NCKAP5: variants seen among roughly 807,000 people sequenced by gnomAD.
The protein encoded by NCKAP5 is NCK associated protein 5.
Under a neutral mutation model 167.0 loss-of-function variants are expected in NCKAP5, and 92 were observed. That is an observed-to-expected ratio of 0.55 (90% CI 0.47 to 0.66). The LOEUF is 0.66. Among genes scored for constraint, NCKAP5 ranks in the 30% least tolerant of loss-of-function variants. The probability of loss-of-function intolerance (pLI) is 0.00; values close to 1 mark genes in which losing one functional copy is unlikely to be tolerated. For synonymous variants in NCKAP5, 891 were observed against 877.4 expected (o/e 1.02, Z -0.27); for missense variants, 2,378 against 2,315.0 (o/e 1.03, Z -0.56).
chr2:132,832,201 T>C (rs1472214923), intron 11 of NCKAP5, among the ~76,000 whole-genome samples: 1 of 152,186 alleles, frequency 6.6e-6, no homozygotes, highest in Non-Finnish European at 1.5e-5. Context: ...TGGAATATTA[T>C]CTTTAAATTA....
chr2:132,710,945 C>T (rs1188766634), intron 19 of NCKAP5, among the ~76,000 whole-genome samples: 2 of 152,132 alleles, frequency 1.3e-5, no homozygotes, highest in African/African-American at 2.4e-5. Context: ...TTCGCTTATG[C>T]TTTGTTCTGA....
intron 5 of NCKAP5, among the ~76,000 whole-genome samples, chr2:133,139,691 G>A (rs914636081): frequency 6.6e-6 from 1 of 152,148 alleles, no homozygotes; most frequent in Non-Finnish European, 1.5e-5. Flanking sequence ...CTCTAGAGGT[G>A]AGATACTACC....
At chr2:133,317,947 T>A (rs1394710441) in intron 3 of NCKAP5, among the ~76,000 whole-genome samples, 5 of 152,206 alleles carry the variant, frequency 3.3e-5, no homozygotes, top group Non-Finnish European at 4.4e-5. Flanking sequence ...GAGGAATCCC[T>A]TCAGGGGGCT....
chr2:132,777,735 G>A (rs189443747), intron 15 of NCKAP5, among the ~76,000 whole-genome samples: 67 of 152,150 alleles, frequency 4.4e-4, no homozygotes, highest in Admixed American at 4.1e-3. Flanking sequence ...GTAACATTTC[G>A]CAGAACTTAA....
the NCKAP5 span, among the ~76,000 whole-genome samples, chr2:133,579,836 C>T: frequency 6.6e-6 from 1 of 152,148 alleles, no homozygotes; most frequent in African/African-American, 2.4e-5. Context: ...TTTCAACCCC[C>T]CATTTTAATG....
intron 11 of NCKAP5, among the ~76,000 whole-genome samples, chr2:132,853,484 T>C (rs969738139): frequency 2.0e-5 from 3 of 152,176 alleles, no homozygotes; most frequent in Admixed American, 6.6e-5. Flanking sequence ...CACATAGTAA[T>C]ACAGATTGAC....
intron 9 of NCKAP5, among the ~76,000 whole-genome samples, chr2:132,877,844 A>C (rs1691401683): frequency 6.6e-6 from 1 of 152,174 alleles, no homozygotes; most frequent in South Asian, 2.1e-4. Context: ...AGTAGGGAGA[A>C]AAAGACTGAC....
chr2:133,629,703 A>G, the NCKAP5 span, among the ~76,000 whole-genome samples: 6 of 152,232 alleles, frequency 3.9e-5, no homozygotes, highest in Non-Finnish European at 8.8e-5. Context: ...GGCACTATTC[A>G]CAATAGCAAA....
At chr2:132,806,627 T>C (rs901999230) in intron 11 of NCKAP5, among the ~76,000 whole-genome samples, 6 of 152,200 alleles carry the variant, frequency 3.9e-5, no homozygotes, top group African/African-American at 1.4e-4. Context: ...GTTTGTTTTT[T>C]TCTTACTGAT....
chr2:132,983,438 T>A (rs2077198110), intron 7 of NCKAP5, among the ~76,000 whole-genome samples: 1 of 152,194 alleles, frequency 6.6e-6, no homozygotes, highest in South Asian at 2.1e-4. Flanking sequence ...ATGTTGGCTA[T>A]GGGTCTGTCA....
chr2:133,513,298 G>T (rs73003150), intron 3 of NCKAP5, among the ~76,000 whole-genome samples: 9,130 of 152,234 alleles, frequency 0.06, 928 homozygotes, highest in African/African-American at 0.21. Flanking sequence ...AACAAAAGCT[G>T]CAACTTTAGG....
intron 3 of NCKAP5, among the ~76,000 whole-genome samples, chr2:133,419,265 A>C (rs1346521764): frequency 6.6e-6 from 1 of 152,204 alleles, no homozygotes; most frequent in Non-Finnish European, 1.5e-5. Context: ...AAATAGAAAC[A>C]AAGAGTAATG....
intron 3 of NCKAP5, among the ~76,000 whole-genome samples, chr2:133,320,981 G>T (rs1222615586): frequency 6.6e-6 from 1 of 152,174 alleles, no homozygotes; most frequent in Non-Finnish European, 1.5e-5. Context: ...CCTCACTGGA[G>T]TAGGCTTAGC....
chr2:133,073,077 T>C (rs1276477900), intron 6 of NCKAP5, among the ~76,000 whole-genome samples: 1 of 152,182 alleles, frequency 6.6e-6, no homozygotes, highest in Admixed American at 6.5e-5. Flanking sequence ...GTCATTTTTG[T>C]GCTTGTTTCT....
intron 3 of NCKAP5, among the ~76,000 whole-genome samples, chr2:133,475,460 G>T (rs944948670): frequency 6.6e-6 from 1 of 152,182 alleles, no homozygotes; most frequent in Middle Eastern, 3.4e-3. Flanking sequence ...ACAACTAAAG[G>T]CTCAAGAGCA....
At chr2:133,160,729 G>T (rs2149937578) in intron 5 of NCKAP5, among the ~76,000 whole-genome samples, 1 of 152,106 alleles carries the variant, frequency 6.6e-6, no homozygotes, top group Admixed American at 6.6e-5. Context: ...CACCCTTCCT[G>T]CTACTTACTA....
At chr2:133,097,653 A>G (rs1459688454) in intron 6 of NCKAP5, among the ~76,000 whole-genome samples, 1 of 152,214 alleles carries the variant, frequency 6.6e-6, no homozygotes, top group Non-Finnish European at 1.5e-5. Context: ...AGCCTCTTAA[A>G]ACTAAAGGAG....
intron 8 of NCKAP5, among the ~76,000 whole-genome samples, chr2:132,890,251 T>C (rs977884585): frequency 1.3e-5 from 2 of 152,220 alleles, no homozygotes; most frequent in African/African-American, 2.4e-5. Context: ...GGCCAGCCTG[T>C]GTCAGAGTCC....
intron 4 of NCKAP5, among the ~76,000 whole-genome samples, chr2:133,259,644 A>G (rs1574522836): frequency 6.6e-6 from 1 of 152,218 alleles, no homozygotes; most frequent in East Asian, 1.9e-4. Context: ...AATGTTGAAC[A>G]AGAAACCACA....
Sources: allele counts gnomAD v4.1 joint callset (sites outside exome capture counted in the v4.1 genomes callset), GRCh38; gene constraint gnomAD v4.1.1; transcripts MANE v1.5; gene names NCBI Gene and HGNC (gene_info 2026-07-23, HGNC 2026-07-21).